DHRSX: variants seen among roughly 807,000 people sequenced by gnomAD.
DHRSX encodes polyprenol dehydrogenase.
Under a neutral mutation model 34.0 loss-of-function variants are expected in DHRSX, and 31 were observed. The observed-to-expected ratio is 0.91, with a 90% confidence interval of 0.69 to 1.23. The LOEUF is 1.23. DHRSX is among the 50% of genes most tolerant of loss of function. DHRSX has a pLI of 0.00. For missense variants in DHRSX, 414 were observed against 428.1 expected, an observed-to-expected ratio of 0.97 and a Z score of 0.29; for synonymous variants, 201 against 183.8, an observed-to-expected ratio of 1.09 and a Z score of -0.76.
At chrX:2,275,289 G>C (rs2124473251) in intron 4 of DHRSX, among the ~76,000 whole-genome samples, 1 of 150,310 alleles carries the variant, frequency 6.7e-6, no homozygotes, top group East Asian at 1.9e-4. Flanking sequence ...CCTGAGGTCA[G>C]GAGTTTGAGA....
chrX:2,283,255 A>G (rs2041753568), intron 4 of DHRSX, among the ~76,000 whole-genome samples: 1 of 151,904 alleles, frequency 6.6e-6, no homozygotes, highest in Admixed American at 6.6e-5. Context: ...ACCACATCCC[A>G]TGCTGCTGCC....
chrX:2,469,948 A>G (rs193209510), intron 1 of DHRSX, among the ~76,000 whole-genome samples: 6 of 152,234 alleles, frequency 3.9e-5, no homozygotes, highest in Non-Finnish European at 8.8e-5. Context: ...GGATACCTGC[A>G]TCCCCTGTGC....
At chrX:2,481,515 A>T (rs929328805) in intron 1 of DHRSX, among the ~76,000 whole-genome samples, 10 of 151,944 alleles carry the variant, frequency 6.6e-5, no homozygotes, top group African/African-American at 2.2e-4. Context: ...AAAATATAAA[A>T]ATTAGCTGGC....
chrX:2,245,434 G>A (rs1209729894), intron 5 of DHRSX, among the ~76,000 whole-genome samples: 1 of 151,448 alleles, frequency 6.6e-6, no homozygotes, highest in Non-Finnish European at 1.5e-5. Context: ...TCAGCCTCCC[G>A]AGTAGCTGGG....
chrX:2,371,664 A>G (rs1170577110), intron 3 of DHRSX, among the ~76,000 whole-genome samples: 1 of 145,264 alleles, frequency 6.9e-6, no homozygotes, highest in African/African-American at 2.6e-5. Flanking sequence ...TCCCCTTACC[A>G]TAGTCCCTCC....
At chrX:2,349,707 T>C (rs1433349811) in intron 3 of DHRSX, among the ~76,000 whole-genome samples, 1 of 150,202 alleles carries the variant, frequency 6.7e-6, no homozygotes, top group Non-Finnish European at 1.5e-5. Flanking sequence ...ATAAAGAAAA[T>C]GCTGTAAATA....
At chrX:2,497,027 A>G (rs1294170593) in intron 1 of DHRSX, among the ~76,000 whole-genome samples, 1 of 152,124 alleles carries the variant, frequency 6.6e-6, no homozygotes, top group Non-Finnish European at 1.5e-5. Flanking sequence ...TAACAGGATG[A>G]CTTATTGACT....
intron 5 of DHRSX, among the ~76,000 whole-genome samples, chrX:2,253,787 G>A (rs1433240751): frequency 2.0e-5 from 3 of 152,128 alleles, no homozygotes; most frequent in Non-Finnish European, 2.9e-5. Flanking sequence ...AAGACCGGGC[G>A]CGGTGGCTCA....
At chrX:2,492,390 G>A (rs2045174907) in intron 1 of DHRSX, among the ~76,000 whole-genome samples, 1 of 152,010 alleles carries the variant, frequency 6.6e-6, no homozygotes, top group Non-Finnish European at 1.5e-5. Flanking sequence ...GGAGCCCCCA[G>A]GAGCTGGGAG....
At chrX:2,483,372 TCC>T (rs1234181420) in intron 1 of DHRSX, among the ~76,000 whole-genome samples, 1 of 152,138 alleles carries the variant, frequency 6.6e-6, no homozygotes, top group Non-Finnish European at 1.5e-5. Context: ...CAAGTGATCC[TCC>T]CACCTTCGCC....
At chrX:2,442,925 C>T (rs1312605304) in intron 1 of DHRSX, among the ~76,000 whole-genome samples, 2 of 152,144 alleles carry the variant, frequency 1.3e-5, no homozygotes, top group African/African-American at 4.8e-5. Context: ...GTGCGTGTTC[C>T]GTCACATGTC....
intron 1 of DHRSX, among the ~76,000 whole-genome samples, chrX:2,495,810 C>T (rs1219847602): frequency 2.6e-5 from 4 of 152,112 alleles, no homozygotes; most frequent in Non-Finnish European, 5.9e-5. Flanking sequence ...CCAAAACGCT[C>T]TCAGGGGGCC....
intron 1 of DHRSX, among the ~76,000 whole-genome samples, chrX:2,468,185 G>A (rs1012251803): frequency 3.9e-5 from 6 of 152,154 alleles, no homozygotes; most frequent in Non-Finnish European, 7.3e-5. Context: ...CTGAACCTCT[G>A]ATCTGGGTGG....
At chrX:2,484,587 C>T (rs1221746580) in intron 1 of DHRSX, among the ~76,000 whole-genome samples, 1 of 152,188 alleles carries the variant, frequency 6.6e-6, no homozygotes, top group Non-Finnish European at 1.5e-5. Flanking sequence ...GAGCAAAACA[C>T]TGCCGTTTTG....
At chrX:2,256,618 G>A (rs1484487648) in intron 5 of DHRSX, among the ~76,000 whole-genome samples, 2 of 152,134 alleles carry the variant, frequency 1.3e-5, no homozygotes, top group African/African-American at 4.8e-5. Flanking sequence ...AAGTTGAGGA[G>A]ACATGTTCTC....
At position 2,424,317 on chromosome X, in the gene DHRSX, G is replaced by A. The variant is rs773449767; in HGVS notation, c.217+880C>T. Among the ~76,000 whole-genome samples, 76 of 151,572 alleles carry A rather than the reference G, an allele frequency of 5.0e-4. 1 individual carries two copies. The South Asian group carries it at 0.014, about 27-fold the overall frequency. ...CATTCTATGGTAATTCTGTTATAGC[G>A]CCTGAAATGGACTAAGACATCTCAG... On this transcript the variant is annotated intron_variant, in intron 2 of 6. Transcript: ENST00000334651.
intron 3 of DHRSX, chrX:2,392,419 A>G: frequency 3.4e-6 from 1 of 294,802 alleles, no homozygotes; most frequent in Non-Finnish European, 6.8e-6. Flanking sequence ...AGGTGGGAGG[A>G]TCGCTTGAGT....
chrX:2,469,980 C>T (rs2044563824), intron 1 of DHRSX, among the ~76,000 whole-genome samples: 1 of 151,954 alleles, frequency 6.6e-6, no homozygotes, highest in Non-Finnish European at 1.5e-5. Context: ...ACTCAGGTTC[C>T]AAGATATACA....
At chrX:2,488,253 T>C (rs1313254632) in intron 1 of DHRSX, 3 of 205,816 alleles carry the variant, frequency 1.5e-5, no homozygotes, top group Admixed American at 5.8e-5. Flanking sequence ...CTCAGCTTAC[T>C]GCAACCTCCA....
Sources: allele counts gnomAD v4.1 joint callset (sites outside exome capture counted in the v4.1 genomes callset), GRCh38; gene constraint gnomAD v4.1.1; transcripts MANE v1.5; gene names NCBI Gene and HGNC (gene_info 2026-07-23, HGNC 2026-07-21).